AFF4: variants seen among roughly 807,000 people sequenced by gnomAD.
The protein encoded by AFF4 is ALF transcription elongation factor 4.
Under a neutral mutation model 124.8 loss-of-function variants are expected in AFF4, and 13 were observed. That is an observed-to-expected ratio of 0.10 (90% CI 0.07 to 0.17). AFF4 has a LOEUF of 0.17. AFF4 is among the 10% of genes least tolerant of loss of function. The pLI is 1.00. For missense variants in AFF4, 1,092 were observed against 1,403.8 expected (o/e 0.78, Z 3.55); for synonymous variants, 477 against 496.1 (o/e 0.96, Z 0.51).
intron 13 of AFF4, among the ~76,000 whole-genome samples, chr5:132,890,779 C>G (rs1029368863): frequency 6.6e-6 from 1 of 151,786 alleles, no homozygotes; most frequent in Non-Finnish European, 1.5e-5. Context: ...AACAGAGTAC[C>G]AAATGACTAC....
chr5:132,956,001 C>T (rs926009322), intron 1 of AFF4, among the ~76,000 whole-genome samples: 17 of 148,662 alleles, frequency 1.1e-4, no homozygotes, highest in African/African-American at 2.7e-4. Context: ...ATATAATACA[C>T]GTAATACATG....
chr5:132,955,250 C>G (rs1392605373), intron 1 of AFF4, among the ~76,000 whole-genome samples: 1 of 151,926 alleles, frequency 6.6e-6, no homozygotes, highest in East Asian at 1.9e-4. Flanking sequence ...GGTGGAGGGG[C>G]GTGGTGGGCC....
chr5:132,961,657 A>G (rs1049633923), intron 1 of AFF4, among the ~76,000 whole-genome samples: 1 of 152,218 alleles, frequency 6.6e-6, no homozygotes, highest in African/African-American at 2.4e-5. Context: ...AGAATTCTTA[A>G]TTACACAGCT....
intron 5 of AFF4, among the ~76,000 whole-genome samples, chr5:132,921,128 A>C (rs1351044874): frequency 2.5e-4 from 20 of 80,686 alleles, no homozygotes; most frequent in Non-Finnish European, 5.2e-4. Context: ...CTCTGTCACA[A>C]AAAAAAAAAA....
At chr5:132,884,385 G>A (rs571785094) in intron 19 of AFF4, among the ~76,000 whole-genome samples, 21 of 152,104 alleles carry the variant, frequency 1.4e-4, no homozygotes, top group African/African-American at 4.1e-4. Flanking sequence ...GATTACAGGC[G>A]CGCACGACAC....
intron 1 of AFF4, among the ~76,000 whole-genome samples, chr5:132,951,223 CA>C (rs111423086): frequency 2.0e-3 from 263 of 133,820 alleles, no homozygotes; most frequent in Middle Eastern, 3.9e-3. Flanking sequence ...GACTCCGTCT[CA>C]AAAAAAAAAA....
Position 132,945,034 on chromosome 5 carries a change from C to T in AFF4, c.-4-7841G>A, listed in dbSNP as rs541821659. On this transcript the variant is annotated intron_variant, in intron 1 of 20. Transcript: ENST00000265343. Reference sequence around the variant, plus strand: ...AATATCATCGAGTCTGCCCAGAAAGCTCGGAAGACTAAATGAATATCATCC... The same window carrying T: ...AATATCATCGAGTCTGCCCAGAAAGTTCGGAAGACTAAATGAATATCATCC... The T allele has an allele frequency of 5.2e-4, 102 of 196,352 alleles. No homozygotes were observed. The East Asian group carries it at 0.01, about 20-fold the overall frequency. The allele number at this position is 196,352 out of a possible 1,614,324, so 12.2% of individuals were successfully genotyped here.
intron 3 of AFF4, among the ~76,000 whole-genome samples, chr5:132,933,101 A>C (rs923860279): frequency 1.1e-4 from 16 of 152,138 alleles, no homozygotes; most frequent in African/African-American, 3.9e-4. Flanking sequence ...AACTACATTA[A>C]AAGATAAAAT....
chr5:132,923,596 A>C (rs1036020063), intron 5 of AFF4, among the ~76,000 whole-genome samples: 1 of 151,992 alleles, frequency 6.6e-6, no homozygotes, highest in African/African-American at 2.4e-5. Flanking sequence ...GGTGGTAAGC[A>C]CCTGTAGTGC....
At chr5:132,941,709 C>T (rs940985354) in intron 1 of AFF4, among the ~76,000 whole-genome samples, 13 of 151,756 alleles carry the variant, frequency 8.6e-5, no homozygotes, top group East Asian at 1.9e-4. Context: ...TTTTTTCGCA[C>T]GCACAAGCAA....
At chr5:132,892,538 A>C in intron 12 of AFF4, 134 bp from the exon 13 acceptor site, 3 of 1,298,250 alleles carry the variant, frequency 2.3e-6, no homozygotes, top group Non-Finnish European at 3.2e-6. Context: ...TGATTTCTAT[A>C]AAACAAAATA....
chr5:132,939,645 T>C (rs1761519998), intron 1 of AFF4, among the ~76,000 whole-genome samples: 1 of 152,240 alleles, frequency 6.6e-6, no homozygotes, highest in African/African-American at 2.4e-5. Context: ...AGTCTCGCTC[T>C]TGTCCCCCAG....
chr5:132,960,822 A>G (rs1445919359), intron 1 of AFF4, among the ~76,000 whole-genome samples: 4 of 152,174 alleles, frequency 2.6e-5, no homozygotes, highest in Admixed American at 6.6e-5. Flanking sequence ...AAGACCCTGT[A>G]ACAGATCTGT....
Position 132,950,837 on chromosome 5 carries a change from C to T in AFF4, c.-5+12422G>A, listed in dbSNP as rs1023906213. Among the ~76,000 whole-genome samples, 48 of 152,118 alleles carry T rather than the reference C, an allele frequency of 3.2e-4. 1 individual carries two copies. The highest frequency in any genetic ancestry group is 1.2e-3 in the African/African-American group (48 of 41,426). ...CTATCTTCTAGACCTTTAGCAGTTG[C>T]GATTTTTTCTCCAACAACTTCAACT... On this transcript the variant is annotated intron_variant, in intron 1 of 20. Coordinates refer to ENST00000265343, the MANE Select transcript of AFF4 (RefSeq NM_014423.4).
At chr5:132,888,075 T>A in intron 15 of AFF4, 22 bp downstream of exon 15, 1 of 1,608,706 alleles carries the variant, frequency 6.2e-7, no homozygotes, top group Non-Finnish European at 8.5e-7. Context: ...AATACGTAAG[T>A]GTAAGGAGAA....
Position 132,916,238 on chromosome 5 carries a change from CAAAAAAAAAAAAA to C in AFF4, c.1050+10870_1050+10882del, listed in dbSNP as rs70974061. Among the ~76,000 whole-genome samples the C allele has an allele frequency of 1.8e-3, 89 of 50,688 alleles. 1 individual carries two copies. The highest frequency in any genetic ancestry group is 7.3e-3 in the African/African-American group (82 of 11,284). The allele number at this position is 50,688 out of a possible 152,430, so 33.3% of individuals were successfully genotyped here. ...TGGGTGACAGAGTAAGATGCTGTCT[CAAAAAAAAAAAAA>C]AAAAAAAAAAAAAAAGAATCACTTA... On this transcript the variant is annotated intron_variant, in intron 5 of 20. Transcript: ENST00000265343.
rs1381386251 is a variant in AFF4, at chr5:132,887,900, G to A, written c.2879C>T (p.Ala960Val). The change falls in exon 16 of 21, where the codon GCT becomes GTT. Residue 960 changes from alanine to valine, a missense_variant. Around this residue, in one of 11 missense-constraint regions of AFF4, gnomAD observed 173 missense variants for 294.9 expected, o/e 0.59. Transcript: ENST00000265343. Reference protein sequence around the residue: ...IECGNALEKNAQESKSPFPMY... With the variant: ...IECGNALEKNVQESKSPFPMY... ...AGGGAATGGGGATTTGGATTCCTGA[G>A]CATTCTTCTCTAATGCATTCCCACA... The A allele has an allele frequency of 1.2e-6, 2 of 1,613,820 alleles. No homozygotes were observed.
intron 1 of AFF4, among the ~76,000 whole-genome samples, chr5:132,949,723 G>T (rs776554484): frequency 3.3e-5 from 5 of 150,468 alleles, no homozygotes; most frequent in African/African-American, 9.9e-5. Flanking sequence ...CGCGCCAGGC[G>T]TGAGGGTGAG....
intron 13 of AFF4, among the ~76,000 whole-genome samples, chr5:132,889,924 T>C (rs573713933): frequency 7.9e-5 from 12 of 152,230 alleles, no homozygotes; most frequent in Non-Finnish European, 5.9e-5. Flanking sequence ...CATGTACTAC[T>C]GCACCTGGCT....
Sources: allele counts gnomAD v4.1 joint callset (sites outside exome capture counted in the v4.1 genomes callset), GRCh38; gene constraint gnomAD v4.1.1; regional missense constraint gnomAD v4.1.1; transcripts MANE v1.5; gene names NCBI Gene and HGNC (gene_info 2026-07-23, HGNC 2026-07-21).